TMEM108: variants seen among roughly 807,000 people sequenced by gnomAD.
TMEM108 encodes the protein cancer/testis antigen 124.
A neutral mutation model predicts 35.1 loss-of-function variants in TMEM108; 12 were observed. That is an observed-to-expected ratio of 0.34 (90% CI 0.22 to 0.55). The LOEUF (loss-of-function observed/expected upper bound fraction) is 0.55. TMEM108 is among the 20% of genes least tolerant of loss of function. The probability of loss-of-function intolerance (pLI) is 0.89; values close to 1 mark genes in which losing one functional copy is unlikely to be tolerated. For synonymous variants in TMEM108, 287 were observed against 308.6 expected (o/e 0.93, Z 0.73); for missense variants, 680 against 753.3 (o/e 0.90, Z 1.14).
intron 2 of TMEM108, among the ~76,000 whole-genome samples, chr3:133,162,071 A>G (rs1472204279): frequency 6.6e-6 from 1 of 152,174 alleles, no homozygotes; most frequent in East Asian, 1.9e-4. Context: ...AACTGATTAA[A>G]GATATGAGTG....
In TMEM108 at chr3:133,365,676, G is replaced by A. The variant is rs1416511377; in HGVS notation, c.41-14076G>A. ...TCCCCACTTCCAAGCTTAGCCTGGAGATAAGAGCCTTTCAGGGGATGCACT... is the reference window on the plus strand; with the variant it reads ...TCCCCACTTCCAAGCTTAGCCTGGAAATAAGAGCCTTTCAGGGGATGCACT... On this transcript the variant is annotated intron_variant, in intron 3 of 5. Transcript: ENST00000321871. Among the ~76,000 whole-genome samples the A allele has an allele frequency of 3.3e-5, 5 of 152,202 alleles. No homozygotes were observed. In the East Asian group the frequency reaches 9.6e-4, roughly 29 times the overall value.
intron 3 of TMEM108, among the ~76,000 whole-genome samples, chr3:133,327,716 A>C (rs1298161463): frequency 6.6e-6 from 1 of 152,092 alleles, no homozygotes; most frequent in African/African-American, 2.4e-5. Flanking sequence ...CAGGGATCCC[A>C]CCTTTCTGAA....
chr3:133,107,631 G>C (rs1049315313), intron 2 of TMEM108, among the ~76,000 whole-genome samples: 1 of 152,120 alleles, frequency 6.6e-6, no homozygotes, highest in African/African-American at 2.4e-5. Context: ...TTGCCAGCAA[G>C]ATCTTGATGT....
chr3:133,334,874 T>C (rs1290409350), intron 3 of TMEM108, among the ~76,000 whole-genome samples: 1 of 152,202 alleles, frequency 6.6e-6, no homozygotes. Context: ...AGTTCACATT[T>C]TTGCTGGTAG....
chr3:133,209,698 C>G (rs899422637), intron 2 of TMEM108, among the ~76,000 whole-genome samples: 3 of 152,080 alleles, frequency 2.0e-5, no homozygotes, highest in African/African-American at 4.8e-5. Flanking sequence ...CCATTGCCCC[C>G]ACTCAGAATT....
chr3:133,120,693 T>C (rs948938450), intron 2 of TMEM108, among the ~76,000 whole-genome samples: 66 of 152,198 alleles, frequency 4.3e-4, no homozygotes, highest in African/African-American at 1.5e-3. Context: ...TAAAGTACCT[T>C]TGTACCAAAG....
At chr3:133,068,836 A>G (rs546593796) in intron 2 of TMEM108, among the ~76,000 whole-genome samples, 1 of 152,304 alleles carries the variant, frequency 6.6e-6, no homozygotes, top group East Asian at 1.9e-4. Context: ...AGTGAGCTGT[A>G]CAAAGAAGAC....
chr3:133,325,927 A>G (rs947334653), intron 3 of TMEM108, among the ~76,000 whole-genome samples: 4 of 152,042 alleles, frequency 2.6e-5, no homozygotes, highest in African/African-American at 9.7e-5. Flanking sequence ...GTACATGCTA[A>G]CATATTTCCA....
intron 2 of TMEM108, among the ~76,000 whole-genome samples, chr3:133,130,899 T>C (rs1469760365): frequency 6.6e-6 from 1 of 152,216 alleles, no homozygotes; most frequent in Non-Finnish European, 1.5e-5. Flanking sequence ...AACTTATACT[T>C]TTCAAGAAAA....
chr3:133,365,641 G>T (rs1195650742), intron 3 of TMEM108, among the ~76,000 whole-genome samples: 1 of 152,184 alleles, frequency 6.6e-6, no homozygotes, highest in Non-Finnish European at 1.5e-5. Flanking sequence ...TTGGGTTGTG[G>T]TGCTCTGTCT....
intron 2 of TMEM108, among the ~76,000 whole-genome samples, chr3:133,179,072 C>A (rs1018309894): frequency 2.0e-5 from 3 of 151,922 alleles, no homozygotes; most frequent in African/African-American, 7.2e-5. Context: ...TCATCACTGG[C>A]CATCAGAGAA....
chr3:133,102,065 A>G (rs148261752), intron 2 of TMEM108, among the ~76,000 whole-genome samples: 322 of 152,334 alleles, frequency 2.1e-3, no homozygotes, highest in African/African-American at 7.6e-3. Context: ...TTTCTATAAT[A>G]TGATTAAGTT....
At chr3:133,294,770 A>G (rs1947119898) in intron 3 of TMEM108, among the ~76,000 whole-genome samples, 1 of 152,222 alleles carries the variant, frequency 6.6e-6, no homozygotes, top group South Asian at 2.1e-4. Context: ...TCCCTTTAAT[A>G]ATGTTGGCTG....
intron 2 of TMEM108, among the ~76,000 whole-genome samples, chr3:133,052,719 A>AG (rs922642929): frequency 2.4e-4 from 36 of 151,680 alleles, no homozygotes; most frequent in African/African-American, 7.7e-4. Context: ...TAAATGTTGG[A>AG]GGGGGCTCAG....
chr3:133,356,304 T>C (rs2072166814), intron 3 of TMEM108, among the ~76,000 whole-genome samples: 1 of 151,952 alleles, frequency 6.6e-6, no homozygotes, highest in Non-Finnish European at 1.5e-5. Flanking sequence ...TACAAAACAC[T>C]GCTGAAAGAA....
intron 3 of TMEM108, among the ~76,000 whole-genome samples, chr3:133,261,263 A>T (rs187381610): frequency 6.6e-6 from 1 of 152,308 alleles, no homozygotes; most frequent in African/African-American, 2.4e-5. Flanking sequence ...CTTATTCCTT[A>T]TGGGAATTTT....
chr3:133,243,786 AG>A (rs1946346745), intron 3 of TMEM108, among the ~76,000 whole-genome samples: 1 of 147,374 alleles, frequency 6.8e-6, no homozygotes, highest in African/African-American at 2.5e-5. Flanking sequence ...GCCTCCCAAA[AG>A]TGCTGGGATT....
Position 133,104,994 on chromosome 3 carries a change from A to G in TMEM108, c.-47+58974A>G, listed in dbSNP as rs914521503. On this transcript the variant is annotated intron_variant, in intron 2 of 5. Transcript: ENST00000321871. ...TTAGTGTGGATTGGGAAAGAAGAGT[A>G]CTGCTTCCTTCTTAGAAGCCCACAA... 2.0e-4 allele frequency among the ~76,000 whole-genome samples: 30 copies of G among 152,220 alleles called. 1 individual carries two copies. The highest frequency in any genetic ancestry group is 1.8e-3 in the Admixed American group (27 of 15,280).
intron 2 of TMEM108, among the ~76,000 whole-genome samples, chr3:133,180,949 A>C (rs1172340469): frequency 1.4e-5 from 2 of 144,174 alleles, no homozygotes; most frequent in African/African-American, 5.1e-5. Flanking sequence ...CTTTTCACAC[A>C]TACATCATTA....
Sources: allele counts gnomAD v4.1 joint callset (sites outside exome capture counted in the v4.1 genomes callset), GRCh38; gene constraint gnomAD v4.1.1; transcripts MANE v1.5; gene names NCBI Gene and HGNC (gene_info 2026-07-23, HGNC 2026-07-21).